Variants in HCCS observed in about 807,000 individuals in gnomAD.
The protein encoded by HCCS is holocytochrome c-type synthase.
Under a neutral mutation model 24.2 loss-of-function variants are expected in HCCS, and 2 were observed. The observed-to-expected ratio is 0.08, with a 90% confidence interval of 0.03 to 0.26. The LOEUF (loss-of-function observed/expected upper bound fraction) is 0.26, where lower values mean the gene tolerates loss of function less well. Ranked by LOEUF, HCCS falls within the 10% of genes least tolerant of loss-of-function variation. The pLI is 1.00. For synonymous variants in HCCS, 73 were observed against 76.2 expected (o/e 0.96, Z 0.22); for missense variants, 150 against 213.3 (o/e 0.70, Z 1.85).
At chrX:11,120,825 A>G in intron 5 of HCCS, 82 bp from the exon 6 acceptor site, 1 of 764,010 alleles carries the variant, frequency 1.3e-6, no homozygotes, top group Non-Finnish European at 2.1e-6. Context: ...AAAAAAATGG[A>G]TATTACTAAA....
At chrX:11,112,945 G>A (rs377389242) in intron 2 of HCCS, among the ~76,000 whole-genome samples, 2 of 112,733 alleles carry the variant, frequency 1.8e-5, no homozygotes, top group Admixed American at 1.9e-4. Flanking sequence ...TATCAAGAGG[G>A]CCAAGGTTGA....
At chrX:11,111,573 G>C in intron 1 of HCCS, 55 bp downstream of exon 1, 1 of 155,897 alleles carries the variant, frequency 6.4e-6, no homozygotes, top group South Asian at 1.2e-4. Context: ...CTCGACCTCT[G>C]GTGTCCCTTC....
intron 6 of HCCS, among the ~76,000 whole-genome samples, 187 bp downstream of exon 6, chrX:11,121,180 C>T (rs181418127): frequency 8.8e-6 from 1 of 113,138 alleles, no homozygotes; most frequent in African/African-American, 3.2e-5. Context: ...TAGTAGATTG[C>T]TTCCTATATA....
intron 5 of HCCS, among the ~76,000 whole-genome samples, chrX:11,118,869 T>C (rs1425974308): frequency 1.8e-5 from 2 of 111,727 alleles, no homozygotes; most frequent in Non-Finnish European, 3.8e-5. Flanking sequence ...TGGTCCTTGA[T>C]GTCTGGGGCC....
intron 3 of HCCS, among the ~76,000 whole-genome samples, chrX:11,116,422 A>G (rs1435184317): frequency 8.9e-6 from 1 of 112,796 alleles, no homozygotes; most frequent in Non-Finnish European, 1.9e-5. Flanking sequence ...GTGATAATGC[A>G]GGTAGAATAC....
In HCCS at chrX:11,113,010, A is replaced by G. The variant is rs184715092; in HGVS notation, c.100+850A>G. Among the ~76,000 whole-genome samples, 4 of 113,166 alleles carry G rather than the reference A, an allele frequency of 3.5e-5. No homozygotes were observed. In the East Asian group the frequency reaches 1.1e-3, roughly 31 times the overall value. On this transcript the variant is annotated intron_variant, in intron 2 of 6. Transcript: ENST00000380762. ...ATAAATAACTTTTGCTCGTATAGCC[A>G]TTTCAGTATTTTCGTATATAAAAGT...
At chrX:11,114,665 G>A (rs2045435271) in intron 2 of HCCS, among the ~76,000 whole-genome samples, 170 bp from the exon 3 acceptor site, 1 of 112,440 alleles carries the variant, frequency 8.9e-6, no homozygotes, top group South Asian at 3.7e-4. Context: ...CTCATCTTTA[G>A]GATTTTGGAA....
chrX:11,121,249 G>A (rs2045489264), intron 6 of HCCS, among the ~76,000 whole-genome samples: 1 of 112,637 alleles, frequency 8.9e-6, no homozygotes, highest in South Asian at 3.7e-4. Context: ...TACTCTTCCC[G>A]TGATCTGTGT....
chrX:11,111,699 G>A (rs983604949), intron 1 of HCCS, among the ~76,000 whole-genome samples, 181 bp downstream of exon 1: 2 of 111,559 alleles, frequency 1.8e-5, no homozygotes, highest in African/African-American at 6.5e-5. Context: ...CTCCACCCGG[G>A]TCACCACTCC....
rs2045424350 is a variant in HCCS at position 11,113,130 on chromosome X, T to C, written c.100+970T>C. ...ATTTTTAATTCATTCATGTCTACTT[T>C]AGATTTTTTATATTAAAGTGTGGCT... is the stretch of plus-strand genomic sequence containing the variant. On this transcript the variant is annotated intron_variant, in intron 2 of 6. Coordinates refer to ENST00000380762, the MANE Select transcript of HCCS (RefSeq NM_005333.5). 2.7e-5 allele frequency among the ~76,000 whole-genome samples: 3 copies of C among 112,777 alleles called. No individual in the cohort carries two copies. In the South Asian group the frequency reaches 1.1e-3, roughly 41 times the overall value.
chrX:11,118,768 CCTT>C (rs2045468544), intron 5 of HCCS, 148 bp downstream of exon 5: 1 of 609,420 alleles, frequency 1.6e-6, no homozygotes, highest in Admixed American at 2.7e-5. Context: ...GACAGGCCAC[CCTT>C]CTTAGTTGAA....
chrX:11,111,355 AGGCGGCGGCGGCGGC>A lies in HCCS; in HGVS notation c.-195_-181del, dbSNP rs3086668. The A allele has an allele frequency of 2.5e-5, 4 of 162,609 alleles. No homozygotes were observed. Among genetic ancestry groups the A allele is most frequent in the South Asian group, 1.8e-4 (2 of 10,922 alleles). 13.4% of individuals were successfully genotyped at this position (162,609 alleles called of 1,213,427 possible). ...CCACAGCGGTGACCGAGTGAGAGGA[AGGCGGCGGCGGCGGC>A]GGCGGCGGCGTGAAGTCACTGCTGC... On this transcript the variant is annotated 5_prime_UTR_variant, in exon 1 of 7. Coordinates refer to ENST00000380762, the MANE Select transcript of HCCS (RefSeq NM_005333.5).
At chrX:11,111,965 A>G (rs1160794073) in intron 1 of HCCS, 54 bp from the exon 2 acceptor site, 1 of 658,202 alleles carries the variant, frequency 1.5e-6, no homozygotes, top group African/African-American at 2.1e-5. Context: ...GATTAGGACT[A>G]ACGAGAGAAT....
rs1370085032 is a variant in HCCS at position 11,122,026 on chromosome X, A to G, written c.*216A>G. 1 of 404,367 alleles carries G rather than the reference A, an allele frequency of 2.5e-6. No individual in the cohort carries two copies. Among genetic ancestry groups the G allele is most frequent in the Non-Finnish European group, 4.3e-6 (1 of 232,795 alleles). 33.3% of individuals were successfully genotyped at this position (404,367 alleles called of 1,213,427 possible). On this transcript the variant is annotated 3_prime_UTR_variant, in exon 7 of 7. Transcript: ENST00000380762. ...AGATCATTTTGTTTTCTTCCTACTT[A>G]GCTTAAGTGGGAAGCAGTCTCTCAG...
rs773289309 is a variant in HCCS, at chrX:11,119,781, G to A, written c.522-1126G>A. Among the ~76,000 whole-genome samples the A allele has an allele frequency of 1.6e-4, 18 of 112,292 alleles. No homozygotes were observed. The East Asian group carries it at 2.8e-3, about 18-fold the overall frequency. ...CTCTGGACTGAGAGGAGCCACAAGT[G>A]TTTGCAGTGACCTACTTTGAAAGTG... is the stretch of plus-strand genomic sequence containing the variant. On this transcript the variant is annotated intron_variant, in intron 5 of 6. Transcript: ENST00000380762.
rs200354469 is a variant in HCCS at position 11,114,909 on chromosome X, C to T, written c.175C>T (p.Arg59Cys). 6.5e-5 allele frequency: 78 copies of T among 1,202,710 alleles called. 1 individual carries two copies. The highest frequency in any genetic ancestry group is 3.6e-4 in the East Asian group (12 of 33,750). Residue 59 changes from arginine (R) to cysteine (C), a missense_variant, in exon 3 of 7, where the codon CGC becomes TGC. Around this residue, in one of 2 missense-constraint regions of HCCS, gnomAD observed 95 missense variants for 79.1 expected, o/e 1.20. Transcript: ENST00000380762. ...ATACTCTGTGCCTGCCCACCAGGAA[C>T]GCGCCTATGAGTACGTGGAGTGTCC... The part of the protein sequence containing the change: ...KTYSVPAHQE[R>C]AYEYVECPIR...
At position 11,122,805 on chromosome X, in the gene HCCS, A is replaced by C. The variant is rs2147254710; in HGVS notation, c.*995A>C. On this transcript the variant is annotated 3_prime_UTR_variant, in exon 7 of 7. Coordinates refer to ENST00000380762, the MANE Select transcript of HCCS (RefSeq NM_005333.5). ...AGGAAGCTCTAAGTTTGCCATTGAA[A>C]CTTTTTGTACCAGTAATCCATAAAC... 1 of 111,914 alleles carries C rather than the reference A, an allele frequency of 8.9e-6. No individual in the cohort carries two copies. The highest frequency in any genetic ancestry group is 2.8e-4 in the East Asian group (1 of 3,583). 9.2% of individuals were successfully genotyped at this position (111,914 alleles called of 1,213,427 possible).
In HCCS at chrX:11,121,657, C is replaced by T. The variant is rs775880525; in HGVS notation, c.654C>T (p.Cys218=). The change falls in exon 7 of 7, where the codon TGC becomes TGT. Residue 218 remains cysteine, a synonymous_variant. Transcript: ENST00000380762. ...FDRHDWIINR[C]GTEVRYVIDY... ...GGCACGATTGGATCATAAACCGTTGCGGGACAGAAGTTAGATATGTGATTG... is the reference window on the plus strand; with the variant it reads ...GGCACGATTGGATCATAAACCGTTGTGGGACAGAAGTTAGATATGTGATTG... The T allele has an allele frequency of 4.8e-5, 58 of 1,208,276 alleles. No homozygotes were observed. The highest frequency in any genetic ancestry group is 4.6e-4 in the Middle Eastern group (2 of 4,374).
Position 11,122,003 on chromosome X carries a change from A to C in HCCS, c.*193A>C, listed in dbSNP as rs750849043. The C allele has an allele frequency of 2.4e-6, 1 of 423,229 alleles. No homozygotes were observed. Among genetic ancestry groups the C allele is most frequent in the Admixed American group, 4.1e-5 (1 of 24,546 alleles). 34.9% of individuals were successfully genotyped at this position (423,229 alleles called of 1,213,427 possible). On this transcript the variant is annotated 3_prime_UTR_variant, in exon 7 of 7. Coordinates refer to ENST00000380762, the MANE Select transcript of HCCS (RefSeq NM_005333.5). ...TGTTGTACCTTGCAGTTTATAGCAGATCATTTTGTTTTCTTCCTACTTAGC... is the reference window on the plus strand; with the variant it reads ...TGTTGTACCTTGCAGTTTATAGCAGCTCATTTTGTTTTCTTCCTACTTAGC...
Sources: gnomAD v4.1 joint callset for allele counts (sites outside exome capture counted in the v4.1 genomes callset) on GRCh38, gnomAD v4.1.1 for gene constraint, gnomAD v4.1.1 regional missense constraint, MANE v1.5 for transcripts, NCBI Gene and HGNC (gene_info 2026-07-23, HGNC 2026-07-21) for gene names.